The following CTNNA3 variants were observed in gnomAD, a reference collection of about 807,000 sequenced individuals.
CTNNA3 encodes the protein catenin alpha 3.
A neutral mutation model predicts 95.7 loss-of-function variants in CTNNA3; 76 were observed. That is an observed-to-expected ratio of 0.79 (90% CI 0.66 to 0.96). The LOEUF (loss-of-function observed/expected upper bound fraction) is 0.96, where lower values mean the gene tolerates loss of function less well. Ranked by LOEUF, CTNNA3 falls within the 40% of genes least tolerant of loss-of-function variation. The probability of loss-of-function intolerance (pLI) is 0.00; values close to 1 mark genes in which losing one functional copy is unlikely to be tolerated. For missense variants in CTNNA3, 1,191 were observed against 1,089.8 expected (o/e 1.09, Z -1.31); for synonymous variants, 431 against 374.4 (o/e 1.15, Z -1.74).
chr10:66,283,466 G>T lies in CTNNA3; in HGVS notation c.1733-2845C>A, dbSNP rs563910680. ...TTTGGCAAAAAAAGAAAAATTTAAA[G>T]TCATGTAAAGATCTGTTTTTCACTG... On this transcript the variant is annotated intron_variant, in intron 12 of 17. Transcript: ENST00000433211. Among the ~76,000 whole-genome samples the T allele has an allele frequency of 2.6e-5, 4 of 151,708 alleles. No individual in the cohort carries two copies. The South Asian group carries it at 8.3e-4, about 31-fold the overall frequency.
rs1245854879 is a variant in CTNNA3 at position 66,371,049 on chromosome 10, G to A, written c.1732+8103C>T. Reference sequence around the variant, plus strand: ...AACAGTATGATCTTAGAAAACACTAGTCTATGCTGTTACAAAGAATGTCTC... The same window carrying A: ...AACAGTATGATCTTAGAAAACACTAATCTATGCTGTTACAAAGAATGTCTC... On this transcript the variant is annotated intron_variant, in intron 12 of 17. Transcript: ENST00000433211. 7.9e-5 allele frequency among the ~76,000 whole-genome samples: 12 copies of A among 152,016 alleles called. 1 individual carries two copies. The South Asian group carries it at 2.1e-3, about 26-fold the overall frequency.
intron 7 of CTNNA3, among the ~76,000 whole-genome samples, chr10:66,865,220 G>GCA (rs1422213398): frequency 6.5e-4 from 98 of 151,552 alleles, no homozygotes; most frequent in African/African-American, 2.4e-3. Flanking sequence ...GTGCGTGTGT[G>GCA]TGTGTGTGTG....
intron 5 of CTNNA3, among the ~76,000 whole-genome samples, chr10:67,309,784 T>A (rs780083694): frequency 2.0e-5 from 3 of 152,218 alleles, no homozygotes; most frequent in Non-Finnish European, 2.9e-5. Context: ...AACAAAAAAA[T>A]GAAATTCTAC....
intron 14 of CTNNA3, among the ~76,000 whole-genome samples, chr10:66,101,534 A>C (rs1261548916): frequency 6.6e-6 from 1 of 152,202 alleles, no homozygotes; most frequent in Non-Finnish European, 1.5e-5. Context: ...TCCCAAATTT[A>C]TCTTTTCCCA....
intron 5 of CTNNA3, among the ~76,000 whole-genome samples, chr10:67,520,016 C>A (rs191077373): frequency 6.6e-6 from 1 of 152,230 alleles, no homozygotes; most frequent in Admixed American, 6.5e-5. Context: ...AGATTTGAAG[C>A]CCAGTTTCAC....
intron 5 of CTNNA3, among the ~76,000 whole-genome samples, chr10:67,228,613 C>CAA (rs35051801): frequency 1.2e-3 from 179 of 147,988 alleles, no homozygotes; most frequent in African/African-American, 3.4e-3. Flanking sequence ...AACTCCATCT[C>CAA]AAAAAAAAAA....
At chr10:67,753,422 A>G (rs1329606093) in intron 1 of CTNNA3, among the ~76,000 whole-genome samples, 1 of 152,162 alleles carries the variant, frequency 6.6e-6, no homozygotes, top group Non-Finnish European at 1.5e-5. Context: ...ATTTCATGAC[A>G]AAACATCAAA....
At chr10:66,717,015 A>C (rs1169250974) in intron 9 of CTNNA3, among the ~76,000 whole-genome samples, 1 of 152,040 alleles carries the variant, frequency 6.6e-6, no homozygotes, top group Non-Finnish European at 1.5e-5. Flanking sequence ...GTTGGAAGCC[A>C]TAAAAGCAAA....
At chr10:66,924,207 G>A (rs1846942317) in intron 7 of CTNNA3, among the ~76,000 whole-genome samples, 1 of 152,102 alleles carries the variant, frequency 6.6e-6, no homozygotes, top group African/African-American at 2.4e-5. Flanking sequence ...AGGTAACTCT[G>A]GGGGAAAGCA....
chr10:66,910,539 T>G (rs1181860281), intron 7 of CTNNA3, among the ~76,000 whole-genome samples: 1 of 152,196 alleles, frequency 6.6e-6, no homozygotes, highest in Non-Finnish European at 1.5e-5. Flanking sequence ...TTCTCTAGAA[T>G]TTTAAACAGA....
chr10:67,442,285 G>A (rs1437751105), intron 5 of CTNNA3, among the ~76,000 whole-genome samples: 1 of 151,490 alleles, frequency 6.6e-6, no homozygotes. Flanking sequence ...TCACCTTCAT[G>A]GGGAAAAAAG....
At chr10:67,346,656 G>C in intron 5 of CTNNA3, 2 of 501,784 alleles carry the variant, frequency 4.0e-6, no homozygotes, top group South Asian at 2.9e-5. Context: ...AGTTATAAGT[G>C]AGTTTCTGCA....
intron 10 of CTNNA3, among the ~76,000 whole-genome samples, chr10:66,565,629 C>G (rs1270070379): frequency 6.6e-6 from 1 of 152,174 alleles, no homozygotes; most frequent in Non-Finnish European, 1.5e-5. Flanking sequence ...CCTGCTGCAG[C>G]TAGCATGGAG....
intron 7 of CTNNA3, among the ~76,000 whole-genome samples, chr10:66,880,314 T>C (rs554090328): frequency 1.3e-5 from 2 of 152,168 alleles, no homozygotes; most frequent in East Asian, 3.9e-4. Flanking sequence ...CATAGGGAAC[T>C]AAAAGCCACA....
chr10:66,942,800 A>G (rs1457817483), intron 7 of CTNNA3, among the ~76,000 whole-genome samples: 1 of 152,224 alleles, frequency 6.6e-6, no homozygotes, highest in African/African-American at 2.4e-5. Context: ...CTAGTGTGAA[A>G]TAATTTAGGC....
intron 14 of CTNNA3, among the ~76,000 whole-genome samples, chr10:66,076,347 T>A (rs1203469939): frequency 6.6e-6 from 1 of 151,710 alleles, no homozygotes; most frequent in East Asian, 1.9e-4. Context: ...GAGAACAAAT[T>A]TATTTAAGCA....
At chr10:66,134,415 G>T (rs2083259538) in intron 13 of CTNNA3, among the ~76,000 whole-genome samples, 1 of 151,996 alleles carries the variant, frequency 6.6e-6, no homozygotes, top group South Asian at 2.1e-4. Flanking sequence ...ATTATTTGTA[G>T]ATATTATAGA....
intron 11 of CTNNA3, among the ~76,000 whole-genome samples, chr10:66,463,664 A>C (rs1323612737): frequency 3.3e-5 from 5 of 152,134 alleles, no homozygotes; most frequent in Non-Finnish European, 7.4e-5. Context: ...AAGCTACAAA[A>C]GTTATGAGAC....
At chr10:65,983,127 G>A (rs76579178) in intron 16 of CTNNA3, among the ~76,000 whole-genome samples, 2,495 of 151,662 alleles carry the variant, frequency 0.016, 36 homozygotes, top group Non-Finnish European at 0.026. Flanking sequence ...AGAATTAGCT[G>A]CCAATGTATT....
Sources: gnomAD v4.1 joint callset for allele counts (sites outside exome capture counted in the v4.1 genomes callset) on GRCh38, gnomAD v4.1.1 for gene constraint, MANE v1.5 for transcripts, NCBI Gene and HGNC (gene_info 2026-07-23, HGNC 2026-07-21) for gene names.